The following GRID1 variants were observed in gnomAD, a reference collection of about 807,000 sequenced individuals.
GRID1 encodes glutamate ionotropic receptor delta type subunit 1, also known as glutamate receptor ionotropic, delta-1.
GRID1 carries 28 observed loss-of-function variants against 98.0 expected under a neutral mutation model. That is an observed-to-expected ratio of 0.29 (90% confidence interval 0.21 to 0.39). GRID1 has a LOEUF of 0.39. GRID1 is among the 10% of genes least tolerant of loss of function. The pLI is 1.00. For missense variants in GRID1, 1,111 were observed against 1,340.5 expected (o/e 0.83, Z 2.67); for synonymous variants, 553 against 538.5 (o/e 1.03, Z -0.37).
intron 8 of GRID1, among the ~76,000 whole-genome samples, chr10:85,811,539 C>A (rs1842670777): frequency 6.6e-6 from 1 of 151,934 alleles, no homozygotes; most frequent in Admixed American, 6.6e-5. Context: ...AAATTCTAGA[C>A]CTGAAAAACT....
Position 86,320,475 on chromosome 10 carries a change from G to A in GRID1, c.235+43466C>T, listed in dbSNP as rs79281882. 2.1e-3 allele frequency among the ~76,000 whole-genome samples: 324 copies of A among 152,266 alleles called. 2 individuals are homozygous for A. Among genetic ancestry groups the A allele is most frequent in the African/African-American group, 7.1e-3 (297 of 41,560 alleles). ...TGATTCCACTTGTATGAAATATCTG[G>A]AGTAGTCAAAGTCAGAAGGAGAGAA... On this transcript the variant is annotated intron_variant, in intron 2 of 15. Coordinates refer to ENST00000327946, the MANE Select transcript of GRID1 (RefSeq NM_017551.3).
chr10:85,871,167 G>A (rs539329077), intron 5 of GRID1, among the ~76,000 whole-genome samples: 4 of 152,212 alleles, frequency 2.6e-5, no homozygotes, highest in South Asian at 4.2e-4. Flanking sequence ...CCTCCTAGCC[G>A]ACGAACATCG....
chr10:86,132,828 A>G (rs1257288775), intron 4 of GRID1, among the ~76,000 whole-genome samples: 1 of 152,240 alleles, frequency 6.6e-6, no homozygotes, highest in Non-Finnish European at 1.5e-5. Context: ...CTGGGCTTCT[A>G]TGAAGGATCA....
chr10:85,996,421 T>C (rs1291160030), intron 4 of GRID1, among the ~76,000 whole-genome samples: 9 of 152,110 alleles, frequency 5.9e-5, no homozygotes, highest in African/African-American at 2.2e-4. Flanking sequence ...TGCTGAAGTA[T>C]ACAATAACTA....
chr10:85,950,196 T>G (rs889942907), intron 4 of GRID1, among the ~76,000 whole-genome samples: 34 of 152,260 alleles, frequency 2.2e-4, no homozygotes, highest in African/African-American at 8.2e-4. Flanking sequence ...TACATTCAAC[T>G]AAAGTATATG....
chr10:86,221,687 G>A (rs1347757773), intron 2 of GRID1, among the ~76,000 whole-genome samples: 2 of 152,230 alleles, frequency 1.3e-5, no homozygotes, highest in Admixed American at 6.5e-5. Context: ...TCACACTGGG[G>A]TGAGAGGTTG....
At chr10:86,149,961 A>G (rs1410677168) in intron 3 of GRID1, among the ~76,000 whole-genome samples, 1 of 152,238 alleles carries the variant, frequency 6.6e-6, no homozygotes, top group East Asian at 1.9e-4. Flanking sequence ...AAGTGAGATC[A>G]TATTTTTAAG....
chr10:85,722,031 T>C (rs770241912), intron 12 of GRID1, among the ~76,000 whole-genome samples: 3 of 152,234 alleles, frequency 2.0e-5, no homozygotes, highest in Non-Finnish European at 4.4e-5. Context: ...CATATGAATC[T>C]ATAATTATCT....
At chr10:85,880,050 C>T (rs1055050536) in intron 5 of GRID1, among the ~76,000 whole-genome samples, 1 of 152,192 alleles carries the variant, frequency 6.6e-6, no homozygotes, top group African/African-American at 2.4e-5. Flanking sequence ...TCAACACATA[C>T]ACCCTTCCAA....
At chr10:85,898,864 G>T (rs1841335538) in intron 5 of GRID1, among the ~76,000 whole-genome samples, 2 of 152,154 alleles carry the variant, frequency 1.3e-5, no homozygotes. Context: ...AAATACCATA[G>T]TAAATATATA....
At chr10:85,704,428 A>G (rs977750965) in intron 12 of GRID1, among the ~76,000 whole-genome samples, 3 of 152,224 alleles carry the variant, frequency 2.0e-5, no homozygotes, top group Non-Finnish European at 4.4e-5. Context: ...ACTATCCTAA[A>G]TATATATGCA....
chr10:85,735,877 G>A (rs1374921644), intron 8 of GRID1, among the ~76,000 whole-genome samples: 2 of 147,588 alleles, frequency 1.4e-5, no homozygotes, highest in African/African-American at 5.0e-5. Flanking sequence ...AGGAGAGAAG[G>A]ATGGAGGGAG....
intron 12 of GRID1, among the ~76,000 whole-genome samples, chr10:85,716,468 G>A (rs11201747): frequency 0.059 from 8,996 of 151,866 alleles, 506 homozygotes; most frequent in African/African-American, 0.15. Context: ...GCTAAATGAC[G>A]AGTTAATGGG....
chr10:85,745,545 G>A (rs1841987582), intron 8 of GRID1, among the ~76,000 whole-genome samples: 1 of 129,742 alleles, frequency 7.7e-6, no homozygotes, highest in African/African-American at 3.0e-5. Context: ...ACACAGGAAG[G>A]GGAATATCAC....
At chr10:85,685,678 T>C (rs1244742432) in intron 12 of GRID1, among the ~76,000 whole-genome samples, 2 of 152,090 alleles carry the variant, frequency 1.3e-5, no homozygotes, top group Non-Finnish European at 2.9e-5. Flanking sequence ...ATTAAAACAG[T>C]TTGGTATTTT....
chr10:86,179,517 G>A (rs966275892), intron 3 of GRID1, among the ~76,000 whole-genome samples: 2 of 152,146 alleles, frequency 1.3e-5, no homozygotes, highest in Non-Finnish European at 2.9e-5. Flanking sequence ...ACTTGTCCAA[G>A]GTCACACAAT....
intron 2 of GRID1, among the ~76,000 whole-genome samples, chr10:86,259,833 T>G (rs191198009): frequency 1.2e-4 from 18 of 152,312 alleles, no homozygotes; most frequent in African/African-American, 4.3e-4. Flanking sequence ...AGGCTCCAAA[T>G]AGTGATCAAG....
chr10:85,630,749 C>T (rs1842966241), intron 13 of GRID1, among the ~76,000 whole-genome samples: 1 of 152,138 alleles, frequency 6.6e-6, no homozygotes, highest in South Asian at 2.1e-4. Flanking sequence ...ATTATCAGGT[C>T]CCATCCCAAG....
In GRID1 at chr10:86,192,991, G is replaced by A. The variant is rs545361369; in HGVS notation, c.520+13373C>T. ...TCAGGAGAGCCCGGGAGGATGGGAA[G>A]CAAGGAAGACAGAAGAGAAGGTGAG... On this transcript the variant is annotated intron_variant, in intron 3 of 15. Transcript: ENST00000327946. This position sits in a 1 kb window ranked among gnomAD's most constrained non-coding sequence, Gnocchi z 4.8. 6.6e-6 allele frequency among the ~76,000 whole-genome samples: 1 copy of A among 152,156 alleles called. No individual in the cohort carries two copies. The highest frequency in any genetic ancestry group is 2.4e-5 in the African/African-American group (1 of 41,550).
Sources: allele counts gnomAD v4.1 joint callset (sites outside exome capture counted in the v4.1 genomes callset), GRCh38; gene constraint gnomAD v4.1.1; non-coding constraint Gnocchi (gnomAD v3.1); transcripts MANE v1.5; gene names NCBI Gene and HGNC (gene_info 2026-07-23, HGNC 2026-07-21).